RHEX: variants seen among roughly 807,000 people sequenced by gnomAD.
RHEX encodes regulator of hemoglobinization and erythroid cell expansion protein.
In RHEX, 18 loss-of-function variants were observed where a neutral mutation model predicts 20.1. The ratio of observed to expected loss-of-function variants is 0.90; its 90% CI spans 0.62 to 1.33. The LOEUF (loss-of-function observed/expected upper bound fraction) is 1.33. RHEX is among the 40% of genes most tolerant of loss of function. The pLI, the probability that RHEX is intolerant of heterozygous loss-of-function variation, is 0.00. For synonymous variants in RHEX, 87 were observed against 77.1 expected, an observed-to-expected ratio of 1.13 and a Z score of -0.67; for missense variants, 192 against 214.3, an observed-to-expected ratio of 0.90 and a Z score of 0.65.
At chr1:206,101,677 AG>A in intron 5 of RHEX, 74 bp from the exon 6 acceptor site, 1 of 1,139,760 alleles carries the variant, frequency 8.8e-7, no homozygotes. Context: ...GTTGAGTAAG[AG>A]TTCAGTCCTG....
chr1:206,088,684 AAAAC>A (rs562475059), intron 1 of RHEX, among the ~76,000 whole-genome samples: 212 of 152,360 alleles, frequency 1.4e-3, no homozygotes, highest in African/African-American at 4.8e-3. Flanking sequence ...TCCGTCTCAA[AAAAC>A]AAACAAATGA....
chr1:206,064,313 A>C (rs568619100), intron 1 of RHEX, among the ~76,000 whole-genome samples: 4,658 of 86,642 alleles, frequency 0.054, 379 homozygotes, highest in African/African-American at 0.17. Context: ...AGGTGAGGGG[A>C]ACCTCTGCCC....
At chr1:206,073,897 G>A (rs1288170376) in intron 1 of RHEX, among the ~76,000 whole-genome samples, 2 of 152,102 alleles carry the variant, frequency 1.3e-5, no homozygotes, top group African/African-American at 4.8e-5. Flanking sequence ...CCTTTTGACT[G>A]ACCAACTAGC....
At chr1:206,053,301 T>G (rs1553282057) in intron 1 of RHEX, 36 bp downstream of exon 1, 1 of 152,698 alleles carries the variant, frequency 6.5e-6, no homozygotes, top group East Asian at 1.9e-4. Context: ...CCACTCCATC[T>G]AGGTGGAAGT....
At chr1:206,060,202 T>C (rs1394000972) in intron 1 of RHEX, among the ~76,000 whole-genome samples, 1 of 152,102 alleles carries the variant, frequency 6.6e-6, no homozygotes, top group Non-Finnish European at 1.5e-5. Context: ...TACTGTATAA[T>C]AGGAATAATG....
intron 1 of RHEX, among the ~76,000 whole-genome samples, chr1:206,096,237 C>A (rs540858562): frequency 6.6e-6 from 1 of 152,144 alleles, no homozygotes; most frequent in African/African-American, 2.4e-5. Context: ...AGAAGAGGAG[C>A]CTTAAAAAAT....
intron 1 of RHEX, among the ~76,000 whole-genome samples, chr1:206,055,032 C>T (rs1211860219): frequency 6.6e-6 from 1 of 152,284 alleles, no homozygotes; most frequent in African/African-American, 2.4e-5. Flanking sequence ...TATGCTTGTG[C>T]ACATGGCAGG....
intron 1 of RHEX, among the ~76,000 whole-genome samples, chr1:206,081,060 C>CA (rs144658819): frequency 0.11 from 16,667 of 152,152 alleles, 1,112 homozygotes; most frequent in East Asian, 0.29. Flanking sequence ...AGGCTGGTCT[C>CA]AAACTCCTGG....
chr1:206,089,277 A>G (rs1662900129), intron 1 of RHEX, among the ~76,000 whole-genome samples: 1 of 152,100 alleles, frequency 6.6e-6, no homozygotes, highest in Non-Finnish European at 1.5e-5. Flanking sequence ...TCCTGGGCTC[A>G]AGCGATCCTC....
chr1:206,102,205 C>G lies in RHEX; in HGVS notation c.*253C>G. Reference sequence around the variant, plus strand: ...GCTTGGCTGGGAAAACAGGCCAATGCCCCGGCAAGAAAGGTTGAGATCAGA... The same window carrying G: ...GCTTGGCTGGGAAAACAGGCCAATGGCCCGGCAAGAAAGGTTGAGATCAGA... On this transcript the variant is annotated 3_prime_UTR_variant, in exon 6 of 6. Coordinates refer to ENST00000331555, the MANE Select transcript of RHEX (RefSeq NM_001007544.4). 1 of 517,498 alleles carries G rather than the reference C, an allele frequency of 1.9e-6. No individual in the cohort carries two copies. The highest frequency in any genetic ancestry group is 2.3e-5 in the South Asian group (1 of 43,782). The allele number at this position is 517,498 out of a possible 1,614,324, so 32.1% of individuals were successfully genotyped here.
chr1:206,055,661 T>G (rs1257837620), intron 1 of RHEX, among the ~76,000 whole-genome samples: 1 of 152,246 alleles, frequency 6.6e-6, no homozygotes, highest in Admixed American at 6.5e-5. Flanking sequence ...AAATGTAGAT[T>G]AGATAAACTG....
At chr1:206,068,899 G>A (rs1228172999) in intron 1 of RHEX, among the ~76,000 whole-genome samples, 1 of 152,208 alleles carries the variant, frequency 6.6e-6, no homozygotes, top group African/African-American at 2.4e-5. Context: ...TGGTTTAAAG[G>A]GGTACCTGTC....
At chr1:206,084,459 G>A (rs782759384) in intron 1 of RHEX, among the ~76,000 whole-genome samples, 1 of 152,124 alleles carries the variant, frequency 6.6e-6, no homozygotes, top group African/African-American at 2.4e-5. Context: ...AAACTGAGGC[G>A]CCATGGTGTT....
chr1:206,076,070 G>A (rs1396780460), intron 1 of RHEX, among the ~76,000 whole-genome samples: 1 of 152,160 alleles, frequency 6.6e-6, no homozygotes, highest in South Asian at 2.1e-4. Flanking sequence ...TACTTGCTGC[G>A]AGAAGCAAAA....
chr1:206,101,008 C>G (rs563861351), intron 4 of RHEX, 128 bp from the exon 5 acceptor site: 197 of 650,334 alleles, frequency 3.0e-4, no homozygotes, highest in African/African-American at 2.8e-3. Context: ...CCCTACCCCC[C>G]CTTTTTGTTG....
chr1:206,102,065 A>T lies in RHEX; in HGVS notation c.*113A>T. On this transcript the variant is annotated 3_prime_UTR_variant, in exon 6 of 6. Coordinates refer to ENST00000331555, the MANE Select transcript of RHEX (RefSeq NM_001007544.4). ...GCATGGGGCTCACAAGTCTATGGAGACAGGCCAAAAAGAATGTGGAGAAGA... is the reference window on the plus strand; with the variant it reads ...GCATGGGGCTCACAAGTCTATGGAGTCAGGCCAAAAAGAATGTGGAGAAGA... The T allele has an allele frequency of 1.2e-6, 1 of 852,804 alleles. No homozygotes were observed. 52.8% of individuals were successfully genotyped at this position (852,804 alleles called of 1,614,324 possible). A position where few individuals can be genotyped will look rare whatever the true frequency, so the allele number is the denominator to read the frequency against.
intron 1 of RHEX, among the ~76,000 whole-genome samples, chr1:206,069,655 C>A (rs1388308580): frequency 1.3e-5 from 2 of 152,174 alleles, no homozygotes; most frequent in African/African-American, 4.8e-5. Context: ...CAGAATTAGT[C>A]TTTGTGCACT....
intron 1 of RHEX, among the ~76,000 whole-genome samples, chr1:206,062,526 G>A (rs1195647868): frequency 3.9e-5 from 6 of 152,380 alleles, no homozygotes; most frequent in Middle Eastern, 6.8e-3. Context: ...CACCCCATGG[G>A]TGTCAACTTA....
chr1:206,080,469 T>A (rs1662713423), intron 1 of RHEX: 2 of 151,860 alleles, frequency 1.3e-5, no homozygotes, highest in Admixed American at 1.3e-4. Flanking sequence ...ATGCACAGAG[T>A]GGGGAGGCTT....
Sources: gnomAD v4.1 joint callset for allele counts (sites outside exome capture counted in the v4.1 genomes callset) on GRCh38, gnomAD v4.1.1 for gene constraint, MANE v1.5 for transcripts, NCBI Gene and HGNC (gene_info 2026-07-23, HGNC 2026-07-21) for gene names.